The following ADGRL3 variants were observed in gnomAD, a reference collection of about 807,000 sequenced individuals.
ADGRL3 encodes calcium-independent alpha-latrotoxin receptor 3.
In ADGRL3, 62 loss-of-function variants were observed where a neutral mutation model predicts 153.5. That is an observed-to-expected ratio of 0.40 (90% CI 0.33 to 0.50). The LOEUF is 0.50. ADGRL3 is among the 20% of genes least tolerant of loss of function. The pLI is 0.47. For missense variants in ADGRL3, 1,641 were observed against 1,859.4 expected, an observed-to-expected ratio of 0.88 and a Z score of 2.16; for synonymous variants, 710 against 672.5, an observed-to-expected ratio of 1.06 and a Z score of -0.86.
intron 1 of ADGRL3, among the ~76,000 whole-genome samples, chr4:61,242,239 T>C (rs773528005): frequency 1.3e-5 from 2 of 152,044 alleles, no homozygotes; most frequent in Non-Finnish European, 2.9e-5. Flanking sequence ...GTAACCTCAA[T>C]GAGGTTGGAG....
intron 5 of ADGRL3, among the ~76,000 whole-genome samples, chr4:61,607,218 G>A (rs1361344123): frequency 6.6e-6 from 1 of 152,060 alleles, no homozygotes; most frequent in Non-Finnish European, 1.5e-5. Flanking sequence ...CTCTGGTTGG[G>A]TGTTCACAGA....
At chr4:61,292,023 G>A (rs1505661) in intron 1 of ADGRL3, among the ~76,000 whole-genome samples, 116,023 of 150,432 alleles carry the variant, frequency 0.77, 45,327 homozygotes, top group Non-Finnish European at 0.84. Flanking sequence ...TTAAAAGGAA[G>A]GAGAAAATAT....
At chr4:61,374,733 C>G (rs1244015138) in intron 1 of ADGRL3, among the ~76,000 whole-genome samples, 1 of 151,956 alleles carries the variant, frequency 6.6e-6, no homozygotes, top group Non-Finnish European at 1.5e-5. Context: ...TTCACTTGTG[C>G]AGAAGCATTT....
intron 5 of ADGRL3, among the ~76,000 whole-genome samples, chr4:61,595,834 A>T (rs1413662155): frequency 6.6e-6 from 1 of 152,126 alleles, no homozygotes; most frequent in East Asian, 1.9e-4. Context: ...GTTCCGGCCC[A>T]TGGGATGAGT....
At chr4:61,301,803 A>G (rs2094586854) in intron 1 of ADGRL3, among the ~76,000 whole-genome samples, 1 of 152,172 alleles carries the variant, frequency 6.6e-6, no homozygotes, top group Admixed American at 6.5e-5. Context: ...AAATAACAGC[A>G]CTAAAAAGAA....
chr4:62,024,041 C>T (rs957510536), intron 21 of ADGRL3, among the ~76,000 whole-genome samples: 3 of 152,078 alleles, frequency 2.0e-5, no homozygotes, highest in Admixed American at 6.6e-5. Flanking sequence ...ACTTCTCTCA[C>T]ATATAAATTA....
intron 1 of ADGRL3, among the ~76,000 whole-genome samples, chr4:61,306,090 T>A (rs1385156813): frequency 2.6e-5 from 4 of 151,916 alleles, no homozygotes; most frequent in African/African-American, 4.8e-5. Flanking sequence ...ATTTATTTTT[T>A]ATTAATTAAT....
At chr4:61,958,986 T>A (rs1023512912) in intron 17 of ADGRL3, among the ~76,000 whole-genome samples, 10 of 152,206 alleles carry the variant, frequency 6.6e-5, no homozygotes, top group African/African-American at 2.4e-4. Flanking sequence ...TTTGATTGTC[T>A]TCTCTTTTAG....
intron 19 of ADGRL3, among the ~76,000 whole-genome samples, chr4:61,995,648 A>C (rs2099119145): frequency 6.6e-6 from 1 of 152,170 alleles, no homozygotes; most frequent in Non-Finnish European, 1.5e-5. Context: ...GAGGTTTTAA[A>C]AATTGGGGGA....
chr4:61,583,276 T>C (rs1340905558), intron 4 of ADGRL3, among the ~76,000 whole-genome samples: 1 of 152,028 alleles, frequency 6.6e-6, no homozygotes, highest in Non-Finnish European at 1.5e-5. Context: ...CACCTACTTC[T>C]AGCCTCCTGA....
intron 1 of ADGRL3, among the ~76,000 whole-genome samples, chr4:61,213,246 A>G (rs1192173704): frequency 1.3e-5 from 2 of 152,126 alleles, no homozygotes; most frequent in African/African-American, 2.4e-5. Flanking sequence ...GTGTTAGTCC[A>G]TATGTTTTAT....
At chr4:61,796,063 G>T (rs777076826) in intron 8 of ADGRL3, among the ~76,000 whole-genome samples, 1 of 152,036 alleles carries the variant, frequency 6.6e-6, no homozygotes, top group Non-Finnish European at 1.5e-5. Context: ...GGCTGGTCTC[G>T]AACTCCTGAC....
rs762604529 is a variant in ADGRL3 at position 62,070,658 on chromosome 4, G to A, written c.4382G>A (p.Gly1461Asp). Residue 1461 changes from glycine (G) to aspartate (D), a missense_variant, in exon 27 of 27, where the codon GGT becomes GAT. Gly to Asp is a moderately conservative substitution (Grantham distance 94). This residue lies in a region of ADGRL3 where 517 missense variants were observed against 555.0 expected (regional missense o/e 0.93). Coordinates refer to ENST00000683033, the MANE Select transcript of ADGRL3 (RefSeq NM_001387552.1). ...TATACCAGCATGCCGACACTGGCTGGTGTGGCCGCCACAGAGAGTGTTACC... is the reference window on the plus strand; with the variant it reads ...TATACCAGCATGCCGACACTGGCTGATGTGGCCGCCACAGAGAGTGTTACC... The part of the protein sequence containing the change: ...SLYTSMPTLA[G>D]VAATESVTTS... 4.5e-6 allele frequency: 7 copies of A among 1,551,460 alleles called. No homozygotes were observed. The highest frequency in any genetic ancestry group is 6.1e-6 in the Non-Finnish European group (7 of 1,146,964).
chr4:61,820,799 G>A (rs1395752010), intron 9 of ADGRL3, among the ~76,000 whole-genome samples: 3 of 152,090 alleles, frequency 2.0e-5, no homozygotes, highest in Non-Finnish European at 4.4e-5. Flanking sequence ...CTCATTAAAA[G>A]TTAGAGTTCT....
At chr4:61,710,939 T>C (rs1313967729) in intron 6 of ADGRL3, among the ~76,000 whole-genome samples, 1 of 152,204 alleles carries the variant, frequency 6.6e-6, no homozygotes, top group African/African-American at 2.4e-5. Context: ...CTAACTTAAT[T>C]TAACATTCCA....
intron 12 of ADGRL3, among the ~76,000 whole-genome samples, 171 bp from the exon 13 acceptor site, chr4:61,912,548 C>T (rs1435977468): frequency 6.6e-6 from 1 of 152,134 alleles, no homozygotes; most frequent in East Asian, 1.9e-4. Flanking sequence ...ATTTTTTAAG[C>T]CATTGCTTGC....
chr4:61,255,695 C>A (rs1312334002), intron 1 of ADGRL3, among the ~76,000 whole-genome samples: 2 of 152,114 alleles, frequency 1.3e-5, no homozygotes, highest in African/African-American at 4.8e-5. Context: ...TTGGCCACAT[C>A]GCACAGGTAG....
intron 8 of ADGRL3, among the ~76,000 whole-genome samples, chr4:61,794,894 A>C (rs1327054148): frequency 7.3e-5 from 11 of 151,078 alleles, no homozygotes; most frequent in Admixed American, 7.3e-4. Flanking sequence ...TATTTTAAGG[A>C]AAGTTACTTA....
chr4:61,473,436 G>A (rs2097995146), intron 2 of ADGRL3, among the ~76,000 whole-genome samples: 1 of 152,054 alleles, frequency 6.6e-6, no homozygotes, highest in Admixed American at 6.6e-5. Context: ...ATTTTAGGCA[G>A]TGAATATATA....
Sources: gnomAD v4.1 joint callset for allele counts (sites outside exome capture counted in the v4.1 genomes callset) on GRCh38, gnomAD v4.1.1 for gene constraint, gnomAD v4.1.1 regional missense constraint, MANE v1.5 for transcripts, NCBI Gene and HGNC (gene_info 2026-07-23, HGNC 2026-07-21) for gene names.